Variants in GABRB1 observed in about 807,000 individuals in gnomAD.
The protein encoded by GABRB1 is gamma-aminobutyric acid receptor subunit beta-1.
A neutral mutation model predicts 51.6 loss-of-function variants in GABRB1; 17 were observed. The ratio of observed to expected loss-of-function variants is 0.33; its 90% CI spans 0.23 to 0.49. GABRB1 has a LOEUF of 0.49. Among genes scored for constraint, GABRB1 ranks in the 20% least tolerant of loss-of-function variants. GABRB1 has a pLI of 0.99. For synonymous variants in GABRB1, 247 were observed against 218.9 expected (o/e 1.13, Z -1.14); for missense variants, 410 against 600.6 (o/e 0.68, Z 3.32).
At chr4:47,330,968 T>C (rs1391260860) in intron 5 of GABRB1, among the ~76,000 whole-genome samples, 1 of 152,168 alleles carries the variant, frequency 6.6e-6, no homozygotes, top group Non-Finnish European at 1.5e-5. Context: ...AACCAGCATC[T>C]ACAACATGCT....
At chr4:47,384,523 T>G (rs1454370446) in intron 5 of GABRB1, among the ~76,000 whole-genome samples, 1 of 152,094 alleles carries the variant, frequency 6.6e-6, no homozygotes, top group African/African-American at 2.4e-5. Context: ...ACATGACTCT[T>G]CAAACCAAAA....
intron 3 of GABRB1, among the ~76,000 whole-genome samples, chr4:47,157,693 T>C (rs1170843507): frequency 6.6e-6 from 1 of 152,084 alleles, no homozygotes; most frequent in Non-Finnish European, 1.5e-5. Flanking sequence ...ATATAGATTG[T>C]AGAAAAAGGA....
chr4:47,100,067 G>A (rs1714654268), intron 3 of GABRB1, among the ~76,000 whole-genome samples: 1 of 151,894 alleles, frequency 6.6e-6, no homozygotes, highest in South Asian at 2.1e-4. Context: ...TTATGTTCGG[G>A]GTTTAAAAGA....
At chr4:47,182,050 T>C (rs1416007917) in intron 4 of GABRB1, among the ~76,000 whole-genome samples, 2 of 152,018 alleles carry the variant, frequency 1.3e-5, no homozygotes, top group Non-Finnish European at 2.9e-5. Context: ...CAGACACAGA[T>C]CTTGGAAATG....
Position 47,146,893 on chromosome 4 carries a change from T to G in GABRB1, c.241-14356T>G, listed in dbSNP as rs1456546137. ...CTTAGAATGTGACAAAATTGATAAC[T>G]TTTAATGTCATAAAGAGAAATGTGT... On this transcript the variant is annotated intron_variant, in intron 3 of 8. Coordinates refer to ENST00000295454, the MANE Select transcript of GABRB1 (RefSeq NM_000812.4). Among the ~76,000 whole-genome samples, 4 of 152,100 alleles carry G rather than the reference T, an allele frequency of 2.6e-5. No individual in the cohort carries two copies. In the East Asian group the frequency reaches 5.8e-4, roughly 22 times the overall value.
At chr4:47,007,892 AT>A (rs1724457250) in intron 1 of GABRB1, among the ~76,000 whole-genome samples, 1 of 24,688 alleles carries the variant, frequency 4.1e-5, no homozygotes, top group African/African-American at 1.2e-4. Flanking sequence ...ATATATATAT[AT>A]AAAATCAAGT....
At chr4:47,269,081 G>A (rs1300647252) in intron 4 of GABRB1, among the ~76,000 whole-genome samples, 2 of 152,122 alleles carry the variant, frequency 1.3e-5, no homozygotes, top group African/African-American at 2.4e-5. Flanking sequence ...ATTTATTTTG[G>A]TCTGAATTTA....
intron 4 of GABRB1, among the ~76,000 whole-genome samples, chr4:47,227,230 C>T (rs16860087): frequency 6.6e-6 from 1 of 152,062 alleles, no homozygotes; most frequent in South Asian, 2.1e-4. Flanking sequence ...TTCATTTTTT[C>T]GTGCAAAATT....
chr4:47,417,290 T>A (rs1728958956), intron 8 of GABRB1, among the ~76,000 whole-genome samples: 1 of 152,114 alleles, frequency 6.6e-6, no homozygotes, highest in Non-Finnish European at 1.5e-5. Flanking sequence ...TTTTTCCTTT[T>A]CTATTTCCTG....
At chr4:47,132,315 T>A (rs988158087) in intron 3 of GABRB1, among the ~76,000 whole-genome samples, 1 of 152,230 alleles carries the variant, frequency 6.6e-6, no homozygotes, top group Non-Finnish European at 1.5e-5. Context: ...TTAGAATTAC[T>A]GTTAAAACTC....
At chr4:47,263,996 G>A (rs970485978) in intron 4 of GABRB1, among the ~76,000 whole-genome samples, 1 of 151,470 alleles carries the variant, frequency 6.6e-6, no homozygotes, top group South Asian at 2.1e-4. Flanking sequence ...AAAAAAATCA[G>A]CCAGGTGTAG....
intron 4 of GABRB1, among the ~76,000 whole-genome samples, chr4:47,277,308 T>C (rs963011440): frequency 2.0e-5 from 3 of 151,944 alleles, no homozygotes; most frequent in African/African-American, 7.3e-5. Flanking sequence ...GAATCATAAA[T>C]CAAAACATTT....
intron 1 of GABRB1, among the ~76,000 whole-genome samples, chr4:47,014,468 T>C (rs1724680466): frequency 6.6e-6 from 1 of 152,166 alleles, no homozygotes; most frequent in Admixed American, 6.6e-5. Flanking sequence ...AAATTTTTTT[T>C]CCTCTCCTAC....
rs892175405 is a variant in GABRB1, at chr4:47,171,010, A to G, written c.461+9541A>G. On this transcript the variant is annotated intron_variant, in intron 4 of 8. Transcript: ENST00000295454. ...TGTATATGGAAAACTTTATAATTAA[A>G]TGATATTACGATATCTTTTTTGGTA... Among the ~76,000 whole-genome samples, 4 of 152,202 alleles carry G rather than the reference A, an allele frequency of 2.6e-5. No homozygotes were observed. In the East Asian group the frequency reaches 7.7e-4, roughly 29 times the overall value.
At chr4:47,187,510 G>T (rs1488997549) in intron 4 of GABRB1, among the ~76,000 whole-genome samples, 1 of 151,832 alleles carries the variant, frequency 6.6e-6, no homozygotes. Context: ...AATGAAATTT[G>T]CCTTCCAGGA....
At chr4:47,032,204 C>G (rs945479321) in intron 2 of GABRB1, among the ~76,000 whole-genome samples, 199 bp downstream of exon 2, 1 of 151,474 alleles carries the variant, frequency 6.6e-6, no homozygotes, top group Non-Finnish European at 1.5e-5. Flanking sequence ...CAGGCGGAGG[C>G]GACCTTCTCC....
chr4:47,098,122 A>G lies in GABRB1; in HGVS notation c.241-63127A>G, dbSNP rs1249443625. ...ATTTCTCTATCACTGACAACTATCA[A>G]GGTTCCCTGGAAAGTAGTTTTTAGT... On this transcript the variant is annotated intron_variant, in intron 3 of 8. Transcript: ENST00000295454. Among the ~76,000 whole-genome samples, 3 of 151,600 alleles carry G rather than the reference A, an allele frequency of 2.0e-5. No individual in the cohort carries two copies. In the East Asian group the frequency reaches 5.8e-4, roughly 29 times the overall value.
chr4:47,126,594 G>A (rs1716154323), intron 3 of GABRB1, among the ~76,000 whole-genome samples: 1 of 151,954 alleles, frequency 6.6e-6, no homozygotes, highest in African/African-American at 2.4e-5. Context: ...TGGACTTGCA[G>A]AAAAACAAAT....
intron 3 of GABRB1, among the ~76,000 whole-genome samples, chr4:47,102,885 G>T (rs1256806804): frequency 6.6e-6 from 1 of 152,036 alleles, no homozygotes; most frequent in Admixed American, 6.6e-5. Flanking sequence ...AGAACGACCA[G>T]CCACAATCAC....
Sources: allele counts gnomAD v4.1 joint callset (sites outside exome capture counted in the v4.1 genomes callset), GRCh38; gene constraint gnomAD v4.1.1; transcripts MANE v1.5; gene names NCBI Gene and HGNC (gene_info 2026-07-23, HGNC 2026-07-21).